Variants in CBX2 observed in about 807,000 individuals in gnomAD.
The protein encoded by CBX2 is chromobox 2, also known as chromobox protein homolog 2.
Under a neutral mutation model 21.0 loss-of-function variants are expected in CBX2, and 11 were observed. That is an observed-to-expected ratio of 0.52 (90% confidence interval 0.33 to 0.87). CBX2 has a LOEUF of 0.87. Ranked by LOEUF, CBX2 falls within the 40% of genes least tolerant of loss-of-function variation. The pLI is 0.02. For synonymous variants in CBX2, 364 were observed against 304.6 expected (o/e 1.19, Z -2.03); for missense variants, 746 against 724.3 (o/e 1.03, Z -0.34).
In CBX2 at chr17:79,778,476, G is replaced by T. The variant is rs528874936; in HGVS notation, c.116+49G>T. The T allele has an allele frequency of 4.6e-6, 6 of 1,305,374 alleles. No individual in the cohort carries two copies. The African/African-American group carries it at 4.6e-5, about 10-fold the overall frequency. The allele number at this position is 1,305,374 out of a possible 1,614,324, so 80.9% of individuals were successfully genotyped here. On this transcript the variant is annotated intron_variant, in intron 2 of 4. Transcript: ENST00000310942. The surrounding 1 kb of genome is among the most constrained non-coding windows in gnomAD (Gnocchi z 4.8). ...CCCCCTCCCGCCCCCTCGCCCGGGGGTGGGGACGTGGAGCCCCTCGGCCGC... is the reference window on the plus strand; with the variant it reads ...CCCCCTCCCGCCCCCTCGCCCGGGGTTGGGGACGTGGAGCCCCTCGGCCGC...
intron 3 of CBX2, among the ~76,000 whole-genome samples, chr17:79,780,331 AT>A (rs1907084019): frequency 6.6e-6 from 1 of 152,184 alleles, no homozygotes; most frequent in African/African-American, 2.4e-5. Context: ...AGCGGGACAT[AT>A]TGGGTCTTCC....
chr17:79,778,938 C>CCG lies in CBX2; in HGVS notation c.117-418_117-417dup, dbSNP rs1176510874. On this transcript the variant is annotated intron_variant, in intron 2 of 4. Transcript: ENST00000310942. This position sits in a 1 kb window ranked among gnomAD's most constrained non-coding sequence, Gnocchi z 4.8. ...TCGCTACCCCTCGAGGTGCCCCGGC[C>CCG]CGCGCGCCACATTGTTCTGGATCTC... 6.6e-6 allele frequency among the ~76,000 whole-genome samples: 1 copy of CCG among 152,238 alleles called. No individual in the cohort carries two copies. The highest frequency in any genetic ancestry group is 1.5e-5 in the Non-Finnish European group (1 of 68,040).
rs948614003 is a variant in CBX2, at chr17:79,785,339, G to C, written c.*297G>C. The C allele has an allele frequency of 2.0e-6, 1 of 506,916 alleles. No individual in the cohort carries two copies. Among genetic ancestry groups the C allele is most frequent in the Non-Finnish European group, 3.6e-6 (1 of 277,426 alleles). 31.4% of individuals were successfully genotyped at this position (506,916 alleles called of 1,614,324 possible). A position where few individuals can be genotyped will look rare whatever the true frequency, so the allele number is the denominator to read the frequency against. ...GTGGCACCTGTGGCTCCAGGTGACT[G>C]TCTTGAACAGAGCGGGCTTCTTCAT... On this transcript the variant is annotated 3_prime_UTR_variant, in exon 5 of 5. Transcript: ENST00000310942.
Position 79,781,856 on chromosome 17 carries a change from G to A in CBX2, c.288+55G>A, listed in dbSNP as rs200419974. ...CACCTCCCAGCACCCCCTTGGCGTAGGGGGCAGGCAGAGGGAGGGTTTGGG... is the reference window on the plus strand; with the variant it reads ...CACCTCCCAGCACCCCCTTGGCGTAAGGGGCAGGCAGAGGGAGGGTTTGGG... On this transcript the variant is annotated intron_variant, in intron 4 of 4. Coordinates refer to ENST00000310942, the MANE Select transcript of CBX2 (RefSeq NM_005189.3). 3.7e-6 allele frequency: 6 copies of A among 1,614,060 alleles called. No homozygotes were observed. The East Asian group carries it at 1.3e-4, about 36-fold the overall frequency.
At position 79,785,284 on chromosome 17, in the gene CBX2, T is replaced by C. The variant is rs1212349221; in HGVS notation, c.*242T>C. Reference sequence around the variant, plus strand: ...CTTGTTCCTACCTCTGCAGGCCTCTTTGCTCTCCCCTCTTGCCTCAGGAAA... The same window carrying C: ...CTTGTTCCTACCTCTGCAGGCCTCTCTGCTCTCCCCTCTTGCCTCAGGAAA... On this transcript the variant is annotated 3_prime_UTR_variant, in exon 5 of 5. Coordinates refer to ENST00000310942, the MANE Select transcript of CBX2 (RefSeq NM_005189.3). 6.9e-6 allele frequency: 4 copies of C among 579,538 alleles called. No individual in the cohort carries two copies. Among genetic ancestry groups the C allele is most frequent in the Non-Finnish European group, 1.2e-5 (4 of 323,720 alleles). The allele number at this position is 579,538 out of a possible 1,614,324, so 35.9% of individuals were successfully genotyped here.
rs572806720 is a variant in CBX2 at position 79,780,324 on chromosome 17, G to A, written c.182+897G>A. ...TGCATTCCCTTTTTTCCACTGTAGC[G>A]GGACATATTGGGTCTTCCCAGAGGG... is the stretch of plus-strand genomic sequence containing the variant. On this transcript the variant is annotated intron_variant, in intron 3 of 4. Transcript: ENST00000310942. Among the ~76,000 whole-genome samples the A allele has an allele frequency of 3.9e-5, 6 of 152,332 alleles. 1 individual carries two copies. The South Asian group carries it at 1.0e-3, about 26-fold the overall frequency.
In CBX2 at chr17:79,787,975, C is replaced by T. The variant is rs907312094; in HGVS notation, c.*2933C>T. 1 of 152,004 alleles carries T rather than the reference C, an allele frequency of 6.6e-6. No homozygotes were observed. Among genetic ancestry groups the T allele is most frequent in the East Asian group, 1.9e-4 (1 of 5,188 alleles). The allele number at this position is 152,004 out of a possible 1,614,324, so 9.4% of individuals were successfully genotyped here. ...TAAAAAAAAAATCATTCATGTATGCCACTTCTAATTGCTTTCAACTATGGC... is the reference window on the plus strand; with the variant it reads ...TAAAAAAAAAATCATTCATGTATGCTACTTCTAATTGCTTTCAACTATGGC... On this transcript the variant is annotated 3_prime_UTR_variant, in exon 5 of 5. Transcript: ENST00000310942.
At chr17:79,782,210 G>A in intron 4 of CBX2, 1 of 1,607,500 alleles carries the variant, frequency 6.2e-7, no homozygotes, top group Non-Finnish European at 8.5e-7. Context: ...GGCTACTCCG[G>A]GCCCACCTGC....
At chr17:79,781,666 C>T (rs919933175) in intron 3 of CBX2, 30 bp from the exon 4 acceptor site, 1 of 1,578,200 alleles carries the variant, frequency 6.3e-7, no homozygotes, top group Non-Finnish European at 8.7e-7. Flanking sequence ...CACAGGGCTT[C>T]TCCCCCATTA....
chr17:79,781,653 A>G (rs781984713), intron 3 of CBX2, 43 bp from the exon 4 acceptor site: 2 of 1,534,846 alleles, frequency 1.3e-6, no homozygotes, highest in South Asian at 2.2e-5. Flanking sequence ...TAGAAGGGGT[A>G]CGCACAGGGC....
At chr17:79,780,242 C>T (rs1907073689) in intron 3 of CBX2, among the ~76,000 whole-genome samples, 1 of 152,220 alleles carries the variant, frequency 6.6e-6, no homozygotes, top group Admixed American at 6.5e-5. Flanking sequence ...GAATTGGTTG[C>T]TGGAGTCTTT....
rs1907675243 is a variant in CBX2, at chr17:79,786,900, C to T, written c.*1858C>T. On this transcript the variant is annotated 3_prime_UTR_variant, in exon 5 of 5. Coordinates refer to ENST00000310942, the MANE Select transcript of CBX2 (RefSeq NM_005189.3). ...TTAACAGTGTGCCTTTGGGGAGGGA[C>T]CCATGTCCATGGCTTCGTTGAGGGC... The T allele has an allele frequency of 6.5e-6, 1 of 152,700 alleles. No individual in the cohort carries two copies. Among genetic ancestry groups the T allele is most frequent in the Non-Finnish European group, 1.5e-5 (1 of 68,072 alleles). The allele number at this position is 152,700 out of a possible 1,614,324, so 9.5% of individuals were successfully genotyped here. A position where few individuals can be genotyped will look rare whatever the true frequency, so the allele number is the denominator to read the frequency against.
intron 4 of CBX2, chr17:79,782,305 A>G (rs1555830585): frequency 2.6e-6 from 4 of 1,515,998 alleles, no homozygotes; most frequent in Non-Finnish European, 3.5e-6. Context: ...GGAGGAGGGC[A>G]GAGGCAGTGT....
Position 79,784,777 on chromosome 17 carries a change from C to G in CBX2, c.1334C>G (p.Ala445Gly), listed in dbSNP as rs1309025737. 1.2e-6 allele frequency: 2 copies of G among 1,610,472 alleles called. No individual in the cohort carries two copies. Among genetic ancestry groups the G allele is most frequent in the Admixed American group, 1.7e-5 (1 of 59,650 alleles). ...CCCAGTGGGCAGGAGAGCCGCACAG[C>G]CCCCGGAGAAGCCCGCAAGGCGGCC... ...ATPSGQESRTAPGEARKAATL... is the reference protein window; with the variant it reads ...ATPSGQESRTGPGEARKAATL... Residue 445 changes from alanine (A) to glycine (G), a missense_variant, in exon 5 of 5, where the codon GCC (alanine) becomes GGC (glycine). Around this residue, in one of 2 missense-constraint regions of CBX2, gnomAD observed 701 missense variants for 650.7 expected, o/e 1.08. Transcript: ENST00000310942. This position sits in a 1 kb window ranked among gnomAD's most constrained non-coding sequence, Gnocchi z 5.9.
chr17:79,784,226 C>A lies in CBX2; in HGVS notation c.783C>A (p.Asn261Lys), dbSNP rs782171139. 6.2e-7 allele frequency: 1 copy of A among 1,612,944 alleles called. No homozygotes were observed. The highest frequency in any genetic ancestry group is 8.5e-7 in the Non-Finnish European group (1 of 1,179,956). Residue 261 changes from asparagine (N) to lysine (K), a missense_variant, in exon 5 of 5, where the codon AAC becomes AAA. Asn to Lys is a moderately conservative substitution (Grantham distance 94). Coordinates refer to ENST00000310942, the MANE Select transcript of CBX2 (RefSeq NM_005189.3). The surrounding 1 kb of genome is among the most constrained non-coding windows in gnomAD (Gnocchi z 5.9). ...SWQSSIVHYM[N>K]RMTQSQAQAA... ...AGAGCTCCATCGTGCACTACATGAA[C>A]CGGATGACCCAGAGCCAGGCCCAGG...
rs1555830946 is a variant in CBX2, at chr17:79,783,728, C to T, written c.289-4C>T. On this transcript the variant is annotated splice_region_variant and splice_polypyrimidine_tract_variant and intron_variant, in intron 4 of 4. Coordinates refer to ENST00000310942, the MANE Select transcript of CBX2 (RefSeq NM_005189.3). ...CCCAGCCAACTTCTCCTTTATCTTTCCAGGAACCCGATGCTCCCTCCAAAT... is the reference window on the plus strand; with the variant it reads ...CCCAGCCAACTTCTCCTTTATCTTTTCAGGAACCCGATGCTCCCTCCAAAT... The T allele has an allele frequency of 9.7e-6, 15 of 1,551,518 alleles. No homozygotes were observed. In the East Asian group the frequency reaches 2.7e-4, roughly 28 times the overall value.
At chr17:79,779,840 G>A (rs150575158) in intron 3 of CBX2, 4 of 283,348 alleles carry the variant, frequency 1.4e-5, no homozygotes, top group African/African-American at 4.3e-5. Flanking sequence ...AGCCCTGCAC[G>A]CGTGTGCCAT....
rs782641563 is a variant in CBX2, at chr17:79,783,980, C to A, written c.537C>A (p.Pro179=). 6 of 1,613,716 alleles carry A rather than the reference C, an allele frequency of 3.7e-6. No homozygotes were observed. The Admixed American group carries it at 5.0e-5, about 13-fold the overall frequency. ...CAGAGCAAAAGGCAACCCGAAGACC[C>A]GTGAGCCTGGCCAAGGTGCTGAAGA... The part of the protein sequence containing the change: ...LPPEQKATRR[P]VSLAKVLKTA... The change falls in exon 5 of 5, where the codon CCC becomes CCA. Residue 179 remains proline (P), a synonymous_variant. Transcript: ENST00000310942.
Position 79,783,981 on chromosome 17 carries a change from G to A in CBX2, c.538G>A (p.Val180Met), listed in dbSNP as rs782399500. 1.5e-5 allele frequency: 25 copies of A among 1,613,564 alleles called. No individual in the cohort carries two copies. The highest frequency in any genetic ancestry group is 2.7e-5 in the African/African-American group (2 of 74,928). Residue 180 changes from valine (V) to methionine (M), a missense_variant, in exon 5 of 5, where the codon GTG becomes ATG. Coordinates refer to ENST00000310942, the MANE Select transcript of CBX2 (RefSeq NM_005189.3). ...PPEQKATRRP[V>M]SLAKVLKTAR... ...AGAGCAAAAGGCAACCCGAAGACCC[G>A]TGAGCCTGGCCAAGGTGCTGAAGAC...
Sources: allele counts gnomAD v4.1 joint callset (sites outside exome capture counted in the v4.1 genomes callset), GRCh38; gene constraint gnomAD v4.1.1; regional missense constraint gnomAD v4.1.1; non-coding constraint Gnocchi (gnomAD v3.1); transcripts MANE v1.5; gene names NCBI Gene and HGNC (gene_info 2026-07-23, HGNC 2026-07-21).